The following SDK1 variants were observed in gnomAD, a reference collection of about 807,000 sequenced individuals.
SDK1 encodes sidekick cell adhesion molecule 1, also known as protein sidekick-1.
SDK1 carries 157 observed loss-of-function variants against 245.5 expected under a neutral mutation model. The ratio of observed to expected loss-of-function variants is 0.64; its 90% CI spans 0.56 to 0.73. SDK1 has a LOEUF of 0.73. Among genes scored for constraint, SDK1 ranks in the 30% least tolerant of loss-of-function variants. SDK1 has a pLI of 0.00. For synonymous variants in SDK1, 1,647 were observed against 1,278.5 expected (o/e 1.29, Z -6.15); for missense variants, 3,583 against 3,002.3 (o/e 1.19, Z -4.52).
At chr7:3,612,737 G>C (rs556297039) in intron 1 of SDK1, among the ~76,000 whole-genome samples, 3 of 152,256 alleles carry the variant, frequency 2.0e-5, no homozygotes, top group African/African-American at 7.2e-5. Context: ...TTCAGCTGTG[G>C]CAAAAGCGGA....
rs971372601 is a variant in SDK1 at position 3,949,129 on chromosome 7, A to G, written c.848-1794A>G. ...AATTTTACAAAGCGAAGGCGTCAGC[A>G]GGAAGGTTTCCGGAGAAGCTTCGAG... On this transcript the variant is annotated intron_variant, in intron 5 of 44. Transcript: ENST00000404826. Among the ~76,000 whole-genome samples, 79 of 152,214 alleles carry G rather than the reference A, an allele frequency of 5.2e-4. 1 individual carries two copies. Among genetic ancestry groups the G allele is most frequent in the African/African-American group, 1.8e-3 (76 of 41,458 alleles).
At chr7:3,566,020 A>G (rs571273377) in intron 1 of SDK1, among the ~76,000 whole-genome samples, 7 of 152,318 alleles carry the variant, frequency 4.6e-5, no homozygotes, top group African/African-American at 1.7e-4. Flanking sequence ...CGAAAGCAAT[A>G]TAATATCTAT....
intron 5 of SDK1, among the ~76,000 whole-genome samples, chr7:3,834,019 C>G (rs923959504): frequency 3.3e-5 from 5 of 152,186 alleles, no homozygotes; most frequent in African/African-American, 9.7e-5. Context: ...TGGAAGGATA[C>G]TGAGGGATGC....
rs183936655 is a variant in SDK1 at position 3,588,793 on chromosome 7, A to C, written c.299-30287A>C. Reference sequence around the variant, plus strand: ...ATGTGAGAAAATTGATAAAAGTGTAAAGCTACTTTGCATCACTACTTTGGA... The same window carrying C: ...ATGTGAGAAAATTGATAAAAGTGTACAGCTACTTTGCATCACTACTTTGGA... On this transcript the variant is annotated intron_variant, in intron 1 of 44. Transcript: ENST00000404826. Among the ~76,000 whole-genome samples, 82 of 152,322 alleles carry C rather than the reference A, an allele frequency of 5.4e-4. 1 individual carries two copies. The highest frequency in any genetic ancestry group is 1.9e-3 in the African/African-American group (77 of 41,582).
intron 14 of SDK1, among the ~76,000 whole-genome samples, chr7:3,989,041 C>T (rs1474195047): frequency 6.6e-6 from 1 of 152,214 alleles, no homozygotes; most frequent in South Asian, 2.1e-4. Flanking sequence ...AGGCATGAGC[C>T]ACCGCGCCTG....
chr7:4,261,987 A>G (rs1024031955), intron 44 of SDK1, among the ~76,000 whole-genome samples: 47 of 150,846 alleles, frequency 3.1e-4, no homozygotes, highest in African/African-American at 1.1e-3. Context: ...TCTTAGGGGA[A>G]AAAAAAATCA....
At chr7:3,885,515 G>C (rs534554898) in intron 5 of SDK1, among the ~76,000 whole-genome samples, 1 of 152,128 alleles carries the variant, frequency 6.6e-6, no homozygotes, top group African/African-American at 2.4e-5. Context: ...CCATGGCTTT[G>C]TCCTATCAAG....
chr7:4,254,980 G>A (rs1043951072), intron 44 of SDK1, among the ~76,000 whole-genome samples: 6 of 152,188 alleles, frequency 3.9e-5, no homozygotes, highest in Non-Finnish European at 7.3e-5. Context: ...CCTCCACTAC[G>A]TGCTAGCTCT....
intron 1 of SDK1, among the ~76,000 whole-genome samples, chr7:3,334,842 C>G (rs1030973100): frequency 8.7e-4 from 132 of 152,250 alleles, no homozygotes; most frequent in African/African-American, 3.1e-3. Flanking sequence ...TCATAGGCTT[C>G]TCACATCTAA....
At chr7:4,143,710 C>T (rs1389814879) in intron 28 of SDK1, among the ~76,000 whole-genome samples, 2 of 152,192 alleles carry the variant, frequency 1.3e-5, no homozygotes, top group Admixed American at 6.5e-5. Context: ...AGGGGATGCT[C>T]TCCCTTTGCT....
chr7:3,477,312 C>T (rs1781377390), intron 1 of SDK1, among the ~76,000 whole-genome samples: 1 of 148,866 alleles, frequency 6.7e-6, no homozygotes, highest in Admixed American at 6.8e-5. Context: ...TCTCCTGCCT[C>T]AGCCTCCTGA....
chr7:3,723,820 A>G (rs535622068), intron 4 of SDK1, among the ~76,000 whole-genome samples: 1 of 139,504 alleles, frequency 7.2e-6, no homozygotes, highest in Non-Finnish European at 1.5e-5. Context: ...ATACACGTAC[A>G]TATACATATA....
At chr7:4,241,326 G>A (rs957475119) in intron 42 of SDK1, among the ~76,000 whole-genome samples, 5 of 152,070 alleles carry the variant, frequency 3.3e-5, no homozygotes, top group South Asian at 2.1e-4. Flanking sequence ...TTAATTTCCC[G>A]GAATTTTTAG....
chr7:4,158,364 C>T (rs764610568), intron 30 of SDK1, 84 bp from the exon 31 acceptor site: 3 of 1,139,238 alleles, frequency 2.6e-6, no homozygotes, highest in Admixed American at 3.7e-5. Context: ...GGATTTGCCC[C>T]TCTTCCCAGG....
chr7:3,742,440 G>A (rs1365316927), intron 4 of SDK1, among the ~76,000 whole-genome samples: 1 of 152,060 alleles, frequency 6.6e-6, no homozygotes, highest in Non-Finnish European at 1.5e-5. Context: ...CCTCATTACT[G>A]GAGATGAGAG....
chr7:3,825,749 C>G (rs1408539797), intron 5 of SDK1, among the ~76,000 whole-genome samples: 1 of 152,146 alleles, frequency 6.6e-6, no homozygotes, highest in Non-Finnish European at 1.5e-5. Flanking sequence ...AGAGGACTGC[C>G]CTGTAAAACA....
rs778059807 is a variant in SDK1 at position 3,520,187 on chromosome 7, C to G, written c.299-98893C>G. 2.6e-5 allele frequency among the ~76,000 whole-genome samples: 4 copies of G among 152,146 alleles called. No individual in the cohort carries two copies. In the South Asian group the frequency reaches 6.2e-4, roughly 24 times the overall value. ...GGGGTTACATGTATATGCTGCCTGT[C>G]TTTTGGAATAGTGATTTGTAAGTGA... On this transcript the variant is annotated intron_variant, in intron 1 of 44. Transcript: ENST00000404826.
rs777199429 is a variant in SDK1, at chr7:4,012,549, C to CTTTTTTTTTTTTTTTTT, written c.2420+341_2420+357dup. Among the ~76,000 whole-genome samples, 18 of 25,988 alleles carry CTTTTTTTTTTTTTTTTT rather than the reference C, an allele frequency of 6.9e-4. 6 individuals are homozygous for CTTTTTTTTTTTTTTTTT. Among genetic ancestry groups the CTTTTTTTTTTTTTTTTT allele is most frequent in the Non-Finnish European group, 1.1e-3 (11 of 10,038 alleles). 17.0% of individuals were successfully genotyped at this position (25,988 alleles called of 152,430 possible). ...GCAAGGTATATTGTTCAATGTGAAG[C>CTTTTTTTTTTTTTTTTT]TTTTTTTTTTTTTTTTTTTTTTTTT... On this transcript the variant is annotated intron_variant, in intron 16 of 44. Transcript: ENST00000404826.
intron 5 of SDK1, among the ~76,000 whole-genome samples, chr7:3,867,531 T>TA (rs1472624808): frequency 9.2e-5 from 14 of 152,150 alleles, no homozygotes; most frequent in African/African-American, 3.4e-4. Flanking sequence ...AGTCACTTCT[T>TA]ACATGGGTGG....
Sources: gnomAD v4.1 joint callset for allele counts (sites outside exome capture counted in the v4.1 genomes callset) on GRCh38, gnomAD v4.1.1 for gene constraint, MANE v1.5 for transcripts, NCBI Gene and HGNC (gene_info 2026-07-23, HGNC 2026-07-21) for gene names.